The following HDAC4 variants were observed in gnomAD, a reference collection of about 807,000 sequenced individuals.
The protein encoded by HDAC4 is histone deacetylase 4, also known as histone deacetylase A.
HDAC4 carries 16 observed loss-of-function variants against 135.1 expected under a neutral mutation model. The ratio of observed to expected loss-of-function variants is 0.12; its 90% CI spans 0.08 to 0.18. The LOEUF (loss-of-function observed/expected upper bound fraction) is 0.18. HDAC4 is among the 10% of genes least tolerant of loss of function. The pLI is 1.00. For missense variants in HDAC4, 1,143 were observed against 1,511.8 expected (o/e 0.76, Z 4.05); for synonymous variants, 685 against 653.4 (o/e 1.05, Z -0.74).
chr2:239,081,274 G>C (rs1026094830), intron 21 of HDAC4, 82 bp from the exon 22 acceptor site: 1 of 1,211,386 alleles, frequency 8.3e-7, no homozygotes, highest in Non-Finnish European at 1.2e-6. Flanking sequence ...AGGTGGCACC[G>C]GGATGGGCTC....
chr2:239,182,793 G>A (rs976219706), intron 4 of HDAC4, among the ~76,000 whole-genome samples: 17 of 152,152 alleles, frequency 1.1e-4, no homozygotes, highest in Admixed American at 9.8e-4. Flanking sequence ...GGCATGCTCG[G>A]AAAATGCTGG....
chr2:239,243,983 G>A (rs2048334603), intron 2 of HDAC4, among the ~76,000 whole-genome samples: 1 of 152,092 alleles, frequency 6.6e-6, no homozygotes. Context: ...CCTTGTTTTT[G>A]ACCACCTTGA....
At chr2:239,060,778 G>A (rs939788277) in intron 24 of HDAC4, among the ~76,000 whole-genome samples, 1 of 152,212 alleles carries the variant, frequency 6.6e-6, no homozygotes, top group Non-Finnish European at 1.5e-5. Context: ...GCGTAACTCT[G>A]TCTGTCACAA....
chr2:239,172,082 T>C (rs2043482924), intron 5 of HDAC4, among the ~76,000 whole-genome samples: 1 of 152,010 alleles, frequency 6.6e-6, no homozygotes, highest in Non-Finnish European at 1.5e-5. Flanking sequence ...ATAACAACAA[T>C]GTCTTGTGAT....
At chr2:239,274,650 G>A (rs551729969) in intron 2 of HDAC4, among the ~76,000 whole-genome samples, 67 of 152,338 alleles carry the variant, frequency 4.4e-4, no homozygotes, top group African/African-American at 1.6e-3. Flanking sequence ...AAGCTGGGGG[G>A]CCCTGGGAAC....
At chr2:239,298,674 C>T in intron 2 of HDAC4, 2 of 956,284 alleles carry the variant, frequency 2.1e-6, no homozygotes, top group Non-Finnish European at 2.5e-6. Flanking sequence ...ATCATTTATC[C>T]AGCACCCAAC....
chr2:239,106,614 G>C (rs2038158975), intron 15 of HDAC4, among the ~76,000 whole-genome samples: 1 of 152,230 alleles, frequency 6.6e-6, no homozygotes, highest in Non-Finnish European at 1.5e-5. Context: ...CTGCAGGAGA[G>C]GGTCCTGGGC....
chr2:239,117,015 A>G (rs921308127), intron 12 of HDAC4, among the ~76,000 whole-genome samples: 1 of 152,204 alleles, frequency 6.6e-6, no homozygotes, highest in Admixed American at 6.5e-5. Context: ...CCAGGAGGGT[A>G]GGGACCACTT....
At chr2:239,288,135 C>T (rs1047673471) in intron 2 of HDAC4, among the ~76,000 whole-genome samples, 1 of 150,542 alleles carries the variant, frequency 6.6e-6, no homozygotes, top group Non-Finnish European at 1.5e-5. Context: ...GATGAAGAAT[C>T]CTGAAGCGCT....
chr2:239,316,167 GAATA>G (rs2053105861), intron 2 of HDAC4, among the ~76,000 whole-genome samples: 1 of 152,184 alleles, frequency 6.6e-6, no homozygotes, highest in African/African-American at 2.4e-5. Flanking sequence ...AGCCCCGTGG[GAATA>G]GGCTCGCTCA....
At chr2:239,389,274 T>G (rs1289312038) in intron 1 of HDAC4, among the ~76,000 whole-genome samples, 1 of 152,222 alleles carries the variant, frequency 6.6e-6, no homozygotes, top group Non-Finnish European at 1.5e-5. Context: ...TCCCCTTCCA[T>G]GCTGTGGAAG....
intron 2 of HDAC4, among the ~76,000 whole-genome samples, chr2:239,274,611 G>C (rs544679443): frequency 6.6e-6 from 1 of 152,310 alleles, no homozygotes; most frequent in Admixed American, 6.5e-5. Flanking sequence ...TGCCTACCTC[G>C]AAAATAACCA....
rs2042971868 is a variant in HDAC4 at position 239,163,877 on chromosome 2, G to A, written c.537C>T (p.Val179=). Residue 179 remains valine, a synonymous_variant, in exon 6 of 27, where the codon GTC becomes GTT. Transcript: ENST00000543185. ...GGGCCAGCGCCTTCTTTTTATTGAG[G>A]ACAAATTCTTGTAACTTCATCTTCA... is the stretch of plus-strand genomic sequence containing the variant. The part of the protein sequence containing the change: ...TEVKMKLQEF[V]LNKKKALAHR... 1.2e-6 allele frequency: 2 copies of A among 1,613,990 alleles called. No individual in the cohort carries two copies. Among genetic ancestry groups the A allele is most frequent in the African/African-American group, 1.3e-5 (1 of 74,910 alleles).
At chr2:239,296,617 A>C (rs2051909694) in intron 2 of HDAC4, among the ~76,000 whole-genome samples, 1 of 152,190 alleles carries the variant, frequency 6.6e-6, no homozygotes, top group Non-Finnish European at 1.5e-5. Flanking sequence ...CATTTATCTA[A>C]TCATTTCTGG....
chr2:239,085,667 A>G (rs1168048909), intron 19 of HDAC4, among the ~76,000 whole-genome samples: 1 of 152,238 alleles, frequency 6.6e-6, no homozygotes, highest in Non-Finnish European at 1.5e-5. Context: ...TAAAGCTACA[A>G]AGATTCCAAC....
chr2:239,056,780 C>T (rs576143981), intron 24 of HDAC4, among the ~76,000 whole-genome samples: 54 of 152,322 alleles, frequency 3.5e-4, no homozygotes, highest in African/African-American at 1.2e-3. Flanking sequence ...TGGAAGGACC[C>T]GGCAAACATC....
At chr2:239,076,289 C>T (rs550984001) in intron 22 of HDAC4, among the ~76,000 whole-genome samples, 62 of 152,348 alleles carry the variant, frequency 4.1e-4, no homozygotes, top group African/African-American at 1.4e-3. Flanking sequence ...ACTCTGCTTC[C>T]TCGAAAGGCC....
Position 239,115,321 on chromosome 2 carries a change from G to A in HDAC4, c.1534-11C>T. ...TGGCTTGGGGATGATCTGCAAGGCG[G>A]AGGTAACACATGAAGCACAGAGAGC... On this transcript the variant is annotated splice_polypyrimidine_tract_variant and intron_variant, in intron 12 of 26. Transcript: ENST00000543185. This position sits in a 1 kb window ranked among gnomAD's most constrained non-coding sequence, Gnocchi z 6.3. 1.9e-6 allele frequency: 3 copies of A among 1,613,058 alleles called. No individual in the cohort carries two copies. Among genetic ancestry groups the A allele is most frequent in the Non-Finnish European group, 2.5e-6 (3 of 1,179,966 alleles).
At chr2:239,338,877 C>CA (rs1216211024) in intron 2 of HDAC4, among the ~76,000 whole-genome samples, 7 of 152,196 alleles carry the variant, frequency 4.6e-5, no homozygotes, top group Non-Finnish European at 2.9e-5. Context: ...AGGCTCCCCC[C>CA]AAGGCTGAGA....
Sources: gnomAD v4.1 joint callset for allele counts (sites outside exome capture counted in the v4.1 genomes callset) on GRCh38, gnomAD v4.1.1 for gene constraint, Gnocchi (gnomAD v3.1) non-coding constraint, MANE v1.5 for transcripts, NCBI Gene and HGNC (gene_info 2026-07-23, HGNC 2026-07-21) for gene names.